CSMD1: variants seen among roughly 807,000 people sequenced by gnomAD.
CSMD1 encodes the protein CUB and Sushi multiple domains 1, also known as CUB and sushi domain-containing protein 1.
Under a neutral mutation model 417.5 loss-of-function variants are expected in CSMD1, and 213 were observed. That is an observed-to-expected ratio of 0.51 (90% confidence interval 0.46 to 0.57). CSMD1 has a LOEUF of 0.57. Ranked by LOEUF, CSMD1 falls within the 20% of genes least tolerant of loss-of-function variation. The pLI, the probability that CSMD1 is intolerant of heterozygous loss-of-function variation, is 0.00. For missense variants in CSMD1, 6,923 were observed against 4,529.7 expected, an observed-to-expected ratio of 1.53 and a Z score of -15.17; for synonymous variants, 2,862 against 1,736.8, an observed-to-expected ratio of 1.65 and a Z score of -16.11.
chr8:4,969,469 C>A (rs148407074), intron 1 of CSMD1, among the ~76,000 whole-genome samples: 93 of 151,352 alleles, frequency 6.1e-4, no homozygotes, highest in Middle Eastern at 3.4e-3. Context: ...TATTCATATT[C>A]ATTCATTCTC....
intron 1 of CSMD1, among the ~76,000 whole-genome samples, chr8:4,689,383 T>G (rs531109186): frequency 6.6e-4 from 100 of 152,326 alleles, no homozygotes; most frequent in African/African-American, 2.3e-3. Context: ...AGAGTCATAT[T>G]TGTCATCTAA....
At chr8:3,055,133 G>C (rs76384583) in intron 49 of CSMD1, among the ~76,000 whole-genome samples, 6 of 152,050 alleles carry the variant, frequency 3.9e-5, no homozygotes, top group Admixed American at 6.6e-5. Flanking sequence ...TTTTTCTATC[G>C]GACGAAATGG....
chr8:3,236,962 A>G (rs1051014193), intron 26 of CSMD1, among the ~76,000 whole-genome samples: 1 of 151,970 alleles, frequency 6.6e-6, no homozygotes, highest in Non-Finnish European at 1.5e-5. Flanking sequence ...TTGGCCTCTG[A>G]GGGGACATCT....
intron 3 of CSMD1, among the ~76,000 whole-genome samples, chr8:4,192,405 G>A (rs866060676): frequency 6.6e-6 from 1 of 152,126 alleles, no homozygotes; most frequent in South Asian, 2.1e-4. Context: ...GTTGTGCCTG[G>A]AACATCAAGA....
intron 5 of CSMD1, among the ~76,000 whole-genome samples, chr8:3,889,447 C>T (rs1157970594): frequency 1.2e-5 from 1 of 81,454 alleles, no homozygotes; most frequent in African/African-American, 4.9e-5. Context: ...TGCTTCTGAT[C>T]TTTCCATATA....
At position 3,307,834 on chromosome 8, in the gene CSMD1, CAG is replaced by C. The variant is rs1165706522; in HGVS notation, c.3824-15_3824-14del. The stretch of plus-strand genomic sequence containing the variant: ...CCACCACATTCCGCTGTAGAAGACA[CAG>C]AGAGATGGGAACGTTCAGCTTCAGG... On this transcript the variant is annotated splice_polypyrimidine_tract_variant and intron_variant, in intron 24 of 69. Coordinates refer to ENST00000635120, the MANE Select transcript of CSMD1 (RefSeq NM_033225.6). 7.5e-6 allele frequency: 12 copies of C among 1,607,016 alleles called. No individual in the cohort carries two copies. In the South Asian group the frequency reaches 1.2e-4, roughly 17 times the overall value.
intron 30 of CSMD1, among the ~76,000 whole-genome samples, chr8:3,212,229 A>G (rs973035346): frequency 8.5e-5 from 13 of 152,292 alleles, no homozygotes; most frequent in East Asian, 7.7e-4. Flanking sequence ...GAAACACTCT[A>G]TAACTTCCCA....
chr8:3,260,994 C>A (rs990977727), intron 26 of CSMD1, among the ~76,000 whole-genome samples: 2 of 151,026 alleles, frequency 1.3e-5, no homozygotes, highest in Non-Finnish European at 2.9e-5. Context: ...AAAGGAACAA[C>A]AACAACAACA....
intron 3 of CSMD1, among the ~76,000 whole-genome samples, chr8:4,320,006 T>G (rs1162091638): frequency 6.6e-6 from 1 of 152,158 alleles, no homozygotes; most frequent in Non-Finnish European, 1.5e-5. Context: ...AGTATTGGGT[T>G]AAGTACTCAA....
chr8:3,270,213 C>A (rs1217062411), intron 26 of CSMD1, among the ~76,000 whole-genome samples: 3 of 152,016 alleles, frequency 2.0e-5, no homozygotes, highest in Admixed American at 2.0e-4. Context: ...CCATGCCTTG[C>A]TAATTTTTTT....
In CSMD1 at chr8:4,340,115, G is replaced by A. The variant is rs562192931; in HGVS notation, c.415+79838C>T. 3.3e-5 allele frequency among the ~76,000 whole-genome samples: 5 copies of A among 152,190 alleles called. No homozygotes were observed. The South Asian group carries it at 8.3e-4, about 25-fold the overall frequency. Reference sequence around the variant, plus strand: ...AATTAGAGTTAACCTTAGAAGTTTTGTTAATCTCTCCTCTTTCAGGGCTCT... The same window carrying A: ...AATTAGAGTTAACCTTAGAAGTTTTATTAATCTCTCCTCTTTCAGGGCTCT... On this transcript the variant is annotated intron_variant, in intron 3 of 69. Transcript: ENST00000635120.
At chr8:4,497,486 C>T (rs1802037262) in intron 2 of CSMD1, among the ~76,000 whole-genome samples, 1 of 152,190 alleles carries the variant, frequency 6.6e-6, no homozygotes, top group South Asian at 2.1e-4. Context: ...TATAACCTGT[C>T]ATCTCTCTTT....
At chr8:4,664,481 C>T (rs1804793678) in intron 1 of CSMD1, among the ~76,000 whole-genome samples, 1 of 152,098 alleles carries the variant, frequency 6.6e-6, no homozygotes, top group South Asian at 2.1e-4. Flanking sequence ...GACTGCTTTA[C>T]CCTGGGGAGT....
At chr8:4,196,117 A>G (rs1433651630) in intron 3 of CSMD1, among the ~76,000 whole-genome samples, 3 of 152,142 alleles carry the variant, frequency 2.0e-5, no homozygotes, top group Non-Finnish European at 2.9e-5. Flanking sequence ...AGACTGAGGC[A>G]GGAGAATGGC....
chr8:3,348,723 G>A (rs74680224), intron 21 of CSMD1, among the ~76,000 whole-genome samples: 3,248 of 152,298 alleles, frequency 0.021, 117 homozygotes, highest in African/African-American at 0.074. Flanking sequence ...TTCAATGGCA[G>A]TAATTATCTG....
chr8:3,429,543 G>T (rs969876193), intron 12 of CSMD1, among the ~76,000 whole-genome samples: 2 of 152,098 alleles, frequency 1.3e-5, no homozygotes, highest in East Asian at 3.9e-4. Flanking sequence ...TGTCAGGAAC[G>T]TTCAATATCT....
At chr8:3,729,002 C>G (rs997670188) in intron 6 of CSMD1, among the ~76,000 whole-genome samples, 1 of 152,164 alleles carries the variant, frequency 6.6e-6, no homozygotes, top group Non-Finnish European at 1.5e-5. Flanking sequence ...ATGCTACTGT[C>G]CTCTGTGGGG....
intron 11 of CSMD1, among the ~76,000 whole-genome samples, chr8:3,471,021 T>G (rs1817062725): frequency 6.6e-6 from 1 of 152,192 alleles, no homozygotes; most frequent in African/African-American, 2.4e-5. Flanking sequence ...AATCTTCATT[T>G]ACCTGAGATA....
chr8:4,991,910 C>T (rs1236177791), intron 1 of CSMD1, among the ~76,000 whole-genome samples: 1 of 152,164 alleles, frequency 6.6e-6, no homozygotes, highest in Non-Finnish European at 1.5e-5. Context: ...AATGAAGGAG[C>T]TCCACGGACC....
Sources: gnomAD v4.1 joint callset for allele counts (sites outside exome capture counted in the v4.1 genomes callset) on GRCh38, gnomAD v4.1.1 for gene constraint, MANE v1.5 for transcripts, NCBI Gene and HGNC (gene_info 2026-07-23, HGNC 2026-07-21) for gene names.